Variants in LRRC49 observed in about 807,000 individuals in gnomAD.
The protein encoded by LRRC49 is leucine-rich repeat-containing protein 49.
LRRC49 carries 50 observed loss-of-function variants against 83.3 expected under a neutral mutation model. That is an observed-to-expected ratio of 0.60 (90% confidence interval 0.48 to 0.76). The LOEUF is 0.76. Ranked by LOEUF, LRRC49 falls within the 30% of genes least tolerant of loss-of-function variation. The pLI is 0.00. For synonymous variants in LRRC49, 286 were observed against 283.3 expected (o/e 1.01, Z -0.10); for missense variants, 704 against 809.1 (o/e 0.87, Z 1.58).
intron 2 of LRRC49, among the ~76,000 whole-genome samples, chr15:70,883,157 AT>A (rs568160569): frequency 4.3e-4 from 64 of 147,402 alleles, no homozygotes; most frequent in South Asian, 8.6e-4. Context: ...CTTACAACTA[AT>A]TTTTTTTTTT....
intron 14 of LRRC49, among the ~76,000 whole-genome samples, chr15:71,031,845 C>G (rs1015702119): frequency 6.6e-6 from 1 of 152,120 alleles, no homozygotes; most frequent in South Asian, 2.1e-4. Flanking sequence ...CCCCTCCCCC[C>G]ACCAAGCTCG....
chr15:71,020,667 T>C (rs1011800050), intron 14 of LRRC49, among the ~76,000 whole-genome samples: 2 of 152,184 alleles, frequency 1.3e-5, no homozygotes, highest in African/African-American at 4.8e-5. Flanking sequence ...ATGAATGATA[T>C]GTTCAATGTA....
At chr15:70,955,641 G>A (rs1417363933) in intron 8 of LRRC49, among the ~76,000 whole-genome samples, 3 of 152,112 alleles carry the variant, frequency 2.0e-5, no homozygotes, top group Non-Finnish European at 4.4e-5. Flanking sequence ...TTAGCAAAAT[G>A]CCATCACAGC....
chr15:70,890,911 C>T (rs1047531083), upstream of LRRC49, among the ~76,000 whole-genome samples: 10 of 152,150 alleles, frequency 6.6e-5, no homozygotes, highest in Non-Finnish European at 1.2e-4. Context: ...GGGGAAAAAA[C>T]ATGCAGGGCC....
At chr15:70,942,064 TGTG>T (rs1394017503) in intron 8 of LRRC49, among the ~76,000 whole-genome samples, 1 of 151,694 alleles carries the variant, frequency 6.6e-6, no homozygotes, top group Non-Finnish European at 1.5e-5. Flanking sequence ...TGTGTGTGTG[TGTG>T]TGTGTGTAAG....
intron 7 of LRRC49, among the ~76,000 whole-genome samples, chr15:70,931,175 G>A (rs2035392466): frequency 6.6e-6 from 1 of 151,872 alleles, no homozygotes; most frequent in East Asian, 1.9e-4. Context: ...TTTTTCACTT[G>A]AGCACTTAGA....
At chr15:70,917,046 A>G (rs2034808801) in intron 6 of LRRC49, among the ~76,000 whole-genome samples, 1 of 152,212 alleles carries the variant, frequency 6.6e-6, no homozygotes, top group African/African-American at 2.4e-5. Flanking sequence ...GTGCTGTGGC[A>G]GCCTGGCCAA....
chr15:71,002,939 C>CTCT (rs2038314399), intron 11 of LRRC49, among the ~76,000 whole-genome samples: 1 of 43,024 alleles, frequency 2.3e-5, no homozygotes, highest in Non-Finnish European at 3.8e-5. Flanking sequence ...ATTTTCTGGC[C>CTCT]TTTTTTTTTT....
At chr15:70,854,128 C>G in intron 1 of LRRC49, 1 of 1,217,022 alleles carries the variant, frequency 8.2e-7, no homozygotes, top group South Asian at 3.6e-5. Flanking sequence ...CCTCACGCCG[C>G]AAGGCCCAGC....
Position 70,954,669 on chromosome 15 carries a change from A to C in LRRC49, c.774-9116A>C, listed in dbSNP as rs542727800. ...GGTGTAAGCTGGATATAGTTGAATC[A>C]CTTCATTTCTGGATGCTTTTAGGGG... is the stretch of plus-strand genomic sequence containing the variant. On this transcript the variant is annotated intron_variant, in intron 8 of 15. Transcript: ENST00000260382. 2.0e-5 allele frequency among the ~76,000 whole-genome samples: 3 copies of C among 152,058 alleles called. No homozygotes were observed. In the South Asian group the frequency reaches 6.3e-4, roughly 32 times the overall value.
chr15:71,037,069 A>C, intron 14 of LRRC49, 110 bp from the exon 15 acceptor site: 2 of 727,860 alleles, frequency 2.7e-6, no homozygotes, highest in Non-Finnish European at 4.5e-6. Context: ...AAACTCATTA[A>C]AATATATATT....
intron 1 of LRRC49, among the ~76,000 whole-genome samples, chr15:70,872,634 A>T (rs566388375): frequency 6.6e-6 from 1 of 152,150 alleles, no homozygotes; most frequent in Non-Finnish European, 1.5e-5. Context: ...GTTTCCAAAA[A>T]GTGTGTGTTC....
At chr15:70,898,244 A>T (rs915005202) in intron 3 of LRRC49, 12 of 589,866 alleles carry the variant, frequency 2.0e-5, no homozygotes. Flanking sequence ...ACTTCTTAAC[A>T]CTTTGAGATG....
At chr15:71,027,154 T>C (rs1313861105) in intron 14 of LRRC49, among the ~76,000 whole-genome samples, 1 of 152,256 alleles carries the variant, frequency 6.6e-6, no homozygotes, top group Non-Finnish European at 1.5e-5. Flanking sequence ...TTCAGTTTTC[T>C]GCATATGGCT....
chr15:71,008,678 C>A, intron 12 of LRRC49, 62 bp downstream of exon 12: 1 of 1,176,798 alleles, frequency 8.5e-7, no homozygotes. Flanking sequence ...TGTGTTCAGG[C>A]CAAAGACCTG....
At chr15:70,950,419 T>A (rs2141178545) in intron 8 of LRRC49, among the ~76,000 whole-genome samples, 1 of 152,298 alleles carries the variant, frequency 6.6e-6, no homozygotes, top group East Asian at 1.9e-4. Context: ...CCACCAGCAG[T>A]GTATAAGTGT....
intron 9 of LRRC49, among the ~76,000 whole-genome samples, chr15:70,966,415 T>G (rs1376238280): frequency 1.3e-5 from 2 of 152,074 alleles, no homozygotes; most frequent in East Asian, 3.9e-4. Flanking sequence ...TTCAATCACT[T>G]CCTATCTTTG....
chr15:70,858,977 C>A, intron 1 of LRRC49: 1 of 863,472 alleles, frequency 1.2e-6, no homozygotes, highest in Non-Finnish European at 2.0e-6. Context: ...AGGCTCTACA[C>A]ACCCAAAGAA....
intron 9 of LRRC49, among the ~76,000 whole-genome samples, chr15:70,971,012 T>C (rs954404799): frequency 6.6e-6 from 1 of 152,210 alleles, no homozygotes; most frequent in Non-Finnish European, 1.5e-5. Context: ...TAGTTATTTC[T>C]TGTCTTCTAC....
Sources: allele counts gnomAD v4.1 joint callset (sites outside exome capture counted in the v4.1 genomes callset), GRCh38; gene constraint gnomAD v4.1.1; transcripts MANE v1.5; gene names NCBI Gene and HGNC (gene_info 2026-07-23, HGNC 2026-07-21).